Variants in C1GALT1 observed in about 807,000 individuals in gnomAD.
The protein encoded by C1GALT1 is core 1 synthase, glycoprotein-N-acetylgalactosamine 3-beta-galactosyltransferase 1.
In C1GALT1, 11 loss-of-function variants were observed where a neutral mutation model predicts 31.0. The ratio of observed to expected loss-of-function variants is 0.36; its 90% CI spans 0.22 to 0.59. The LOEUF (loss-of-function observed/expected upper bound fraction) is 0.59, where lower values mean the gene tolerates loss of function less well. Among genes scored for constraint, C1GALT1 ranks in the 20% least tolerant of loss-of-function variants. C1GALT1 has a pLI of 0.79. For synonymous variants in C1GALT1, 175 were observed against 143.6 expected (o/e 1.22, Z -1.56); for missense variants, 424 against 425.2 (o/e 1.00, Z 0.03).
At chr7:7,196,528 G>A (rs1312796890) in intron 1 of C1GALT1, among the ~76,000 whole-genome samples, 1 of 152,164 alleles carries the variant, frequency 6.6e-6, no homozygotes, top group Admixed American at 6.5e-5. Flanking sequence ...AAACATACAT[G>A]TGCATGTGTC....
upstream of C1GALT1, among the ~76,000 whole-genome samples, chr7:7,178,763 C>T (rs1490573032): frequency 6.6e-6 from 1 of 152,194 alleles, no homozygotes; most frequent in African/African-American, 2.4e-5. Flanking sequence ...AATAATTGAA[C>T]ACCTGCATGT....
In C1GALT1 at chr7:7,238,793, A is replaced by G; in HGVS notation, c.759A>G (p.Glu253=). 6.2e-7 allele frequency: 1 copy of G among 1,613,828 alleles called. No homozygotes were observed. The highest frequency in any genetic ancestry group is 8.5e-7 in the Non-Finnish European group (1 of 1,179,930). Residue 253 remains glutamate (E), a synonymous_variant, in exon 3 of 4, where the codon GAA becomes GAG. Transcript: ENST00000436587. This position sits in a 1 kb window ranked among gnomAD's most constrained non-coding sequence, Gnocchi z 5.2. ...GATGCATGGAAATTATGAATGTAGAAGCAGGAGATTCCAGAGATACCATTG... is the reference window on the plus strand; with the variant it reads ...GATGCATGGAAATTATGAATGTAGAGGCAGGAGATTCCAGAGATACCATTG... ...LGRCMEIMNV[E]AGDSRDTIGK...
upstream of C1GALT1, among the ~76,000 whole-genome samples, chr7:7,178,657 C>G (rs77201679): frequency 1.3e-5 from 2 of 152,144 alleles, no homozygotes; most frequent in African/African-American, 4.8e-5. Context: ...TTAGATAATA[C>G]AGGTGTCAGG....
chr7:7,184,861 A>T (rs970448141), intron 1 of C1GALT1, among the ~76,000 whole-genome samples: 2 of 152,272 alleles, frequency 1.3e-5, no homozygotes, highest in African/African-American at 4.8e-5. Context: ...AAAGAAAGGT[A>T]TGACAAAAAT....
intron 3 of C1GALT1, among the ~76,000 whole-genome samples, chr7:7,239,889 A>T (rs552253859): frequency 6.6e-6 from 1 of 152,292 alleles, no homozygotes; most frequent in South Asian, 2.1e-4. Context: ...ATCAATGTTA[A>T]TTACATGTCT....
intron 1 of C1GALT1, among the ~76,000 whole-genome samples, chr7:7,195,536 G>C (rs571745228): frequency 1.9e-4 from 29 of 152,242 alleles, no homozygotes; most frequent in African/African-American, 7.0e-4. Flanking sequence ...GTGTGAGAGA[G>C]TACTTGCTAT....
chr7:7,205,906 A>G (rs76308518), intron 1 of C1GALT1, among the ~76,000 whole-genome samples: 5,947 of 152,266 alleles, frequency 0.039, 268 homozygotes, highest in African/African-American at 0.11. Context: ...ATTTAAAATC[A>G]TAAGGAGGAA....
At chr7:7,179,835 A>T (rs970394017), upstream of C1GALT1, among the ~76,000 whole-genome samples, 4 of 146,842 alleles carry the variant, frequency 2.7e-5, no homozygotes, top group African/African-American at 1.0e-4. Context: ...TTCTACCTCC[A>T]GTATCATGTC....
chr7:7,237,048 TG>T (rs1783393728), intron 2 of C1GALT1, among the ~76,000 whole-genome samples: 1 of 152,254 alleles, frequency 6.6e-6, no homozygotes, highest in African/African-American at 2.4e-5. Context: ...AACTAAAGAA[TG>T]TCTGCTTATT....
chr7:7,160,922 G>T (rs1261517014), intron 2 of C1GALT1, among the ~76,000 whole-genome samples: 2 of 151,928 alleles, frequency 1.3e-5, no homozygotes, highest in African/African-American at 4.8e-5. Context: ...ATCAGCAGAA[G>T]TAATGAGTAT....
At chr7:7,240,667 C>T (rs1367832537) in intron 3 of C1GALT1, among the ~76,000 whole-genome samples, 1 of 152,082 alleles carries the variant, frequency 6.6e-6, no homozygotes, top group South Asian at 2.1e-4. Context: ...CAAATTTGTT[C>T]TTTCTCTAGA....
chr7:7,192,923 TC>T (rs1562564249), intron 1 of C1GALT1, among the ~76,000 whole-genome samples: 1 of 152,190 alleles, frequency 6.6e-6, no homozygotes, highest in Non-Finnish European at 1.5e-5. Context: ...GAACATGTTT[TC>T]ATATGTTTGT....
At chr7:7,183,672 AC>A in intron 1 of C1GALT1, 10 of 772,692 alleles carry the variant, frequency 1.3e-5, no homozygotes, top group African/African-American at 2.4e-5. Flanking sequence ...CCGTCTCCCC[AC>A]CCCCCACCAC....
chr7:7,202,197 C>T (rs1031324764), intron 1 of C1GALT1, among the ~76,000 whole-genome samples: 17 of 152,150 alleles, frequency 1.1e-4, no homozygotes, highest in Admixed American at 3.3e-4. Flanking sequence ...TTGGCTGTCT[C>T]AGGGGACCAG....
chr7:7,211,157 A>T (rs1388830705), intron 1 of C1GALT1, among the ~76,000 whole-genome samples: 1 of 152,164 alleles, frequency 6.6e-6, no homozygotes, highest in African/African-American at 2.4e-5. Context: ...TTGGAGATTG[A>T]TTGCTTCTAG....
intron 1 of C1GALT1, among the ~76,000 whole-genome samples, chr7:7,207,678 C>G (rs1003625758): frequency 1.3e-5 from 2 of 151,298 alleles, no homozygotes; most frequent in Admixed American, 6.6e-5. Context: ...TTTTCTGTTT[C>G]TTTGTATACC....
chr7:7,223,894 C>T (rs1029481901), intron 1 of C1GALT1, among the ~76,000 whole-genome samples: 1 of 152,042 alleles, frequency 6.6e-6, no homozygotes, highest in Non-Finnish European at 1.5e-5. Context: ...GTACCATTAG[C>T]TGTTAGTTTT....
chr7:7,183,100 T>C (rs1780656179), intron 1 of C1GALT1, among the ~76,000 whole-genome samples: 1 of 152,090 alleles, frequency 6.6e-6, no homozygotes, highest in African/African-American at 2.4e-5. Flanking sequence ...TCGTGGGTCC[T>C]TCCCTTGTGC....
In C1GALT1 at chr7:7,238,741, C is replaced by T. The variant is rs1583836469; in HGVS notation, c.707C>T (p.Ser236Phe). The T allele has an allele frequency of 6.2e-7, 1 of 1,613,806 alleles. No individual in the cohort carries two copies. Among genetic ancestry groups the T allele is most frequent in the East Asian group, 2.2e-5 (1 of 44,866 alleles). ...AFKTDKCTHSSSIEDLALGRC... is the reference protein window; with the variant it reads ...AFKTDKCTHSFSIEDLALGRC... ...AAAACAGACAAGTGTACACATAGTT[C>T]CTCCATTGAAGACTTAGCACTGGGG... Residue 236 changes from serine to phenylalanine, a missense_variant, in exon 3 of 4, where the codon TCC becomes TTC. Ser to Phe is a radical substitution (Grantham distance 155). Around this residue, in one of 3 missense-constraint regions of C1GALT1, gnomAD observed 191 missense variants for 188.8 expected, o/e 1.01. Transcript: ENST00000436587. This position sits in a 1 kb window ranked among gnomAD's most constrained non-coding sequence, Gnocchi z 5.2.
Sources: allele counts gnomAD v4.1 joint callset (sites outside exome capture counted in the v4.1 genomes callset), GRCh38; gene constraint gnomAD v4.1.1; regional missense constraint gnomAD v4.1.1; non-coding constraint Gnocchi (gnomAD v3.1); transcripts MANE v1.5; gene names NCBI Gene and HGNC (gene_info 2026-07-23, HGNC 2026-07-21).